Variants in CDC42SE2 observed in about 807,000 individuals in gnomAD.
The protein encoded by CDC42SE2 is CDC42 small effector 2.
Under a neutral mutation model 11.5 loss-of-function variants are expected in CDC42SE2, and 3 were observed. The observed-to-expected ratio is 0.26, with a 90% CI of 0.12 to 0.67. CDC42SE2 has a LOEUF of 0.67. Among genes scored for constraint, CDC42SE2 ranks in the 30% least tolerant of loss-of-function variants. The pLI is 0.80. For synonymous variants in CDC42SE2, 33 were observed against 34.8 expected (o/e 0.95, Z 0.18); for missense variants, 82 against 106.8 (o/e 0.77, Z 1.02).
At chr5:131,297,832 A>G (rs1757603321) in intron 1 of CDC42SE2, among the ~76,000 whole-genome samples, 1 of 152,074 alleles carries the variant, frequency 6.6e-6, no homozygotes, top group Non-Finnish European at 1.5e-5. Context: ...GAAATAATCG[A>G]TCGACAAATC....
intron 2 of CDC42SE2, among the ~76,000 whole-genome samples, chr5:131,349,279 G>A (rs933367003): frequency 6.8e-6 from 1 of 146,644 alleles, no homozygotes; most frequent in Non-Finnish European, 1.5e-5. Flanking sequence ...TCACTCATAG[G>A]TGGGAATTGA....
intron 2 of CDC42SE2, among the ~76,000 whole-genome samples, chr5:131,333,308 C>T (rs1006669661): frequency 9.2e-5 from 14 of 152,056 alleles, no homozygotes; most frequent in African/African-American, 1.2e-4. Flanking sequence ...GAGGGCTCTG[C>T]TCTGTTCCAT....
At chr5:131,240,305 T>A in the CDC42SE2 span, among the ~76,000 whole-genome samples, 1 of 152,238 alleles carries the variant, frequency 6.6e-6, no homozygotes, top group Non-Finnish European at 1.5e-5. Flanking sequence ...TCTCCTAACA[T>A]TTCTCTGTAT....
chr5:131,234,142 C>A, the CDC42SE2 span, among the ~76,000 whole-genome samples: 1 of 152,184 alleles, frequency 6.6e-6, no homozygotes, highest in Admixed American at 6.5e-5. Context: ...ACCTTACAAA[C>A]TCACTGAATA....
At chr5:131,326,043 A>T (rs1758294567) in intron 2 of CDC42SE2, among the ~76,000 whole-genome samples, 1 of 152,172 alleles carries the variant, frequency 6.6e-6, no homozygotes, top group Non-Finnish European at 1.5e-5. Context: ...TGAGTATTTT[A>T]AAATTTTCTT....
At chr5:131,308,265 C>T (rs543881749) in intron 1 of CDC42SE2, among the ~76,000 whole-genome samples, 2,569 of 152,024 alleles carry the variant, frequency 0.017, 64 homozygotes, top group African/African-American at 0.059. Context: ...AGATATGCGG[C>T]GTTATTTCTG....
intron 2 of CDC42SE2, among the ~76,000 whole-genome samples, chr5:131,330,404 T>A (rs146596208): frequency 2.0e-4 from 31 of 152,316 alleles, no homozygotes; most frequent in South Asian, 4.1e-4. Flanking sequence ...TGTTCCTGAT[T>A]GTTGCTTTTA....
chr5:131,354,221 A>G (rs1314942800), intron 2 of CDC42SE2, among the ~76,000 whole-genome samples: 2 of 152,102 alleles, frequency 1.3e-5, no homozygotes, highest in Non-Finnish European at 2.9e-5. Flanking sequence ...CTGGGCAGCA[A>G]AGCAAGACCC....
chr5:131,277,573 C>G (rs1217839970), intron 1 of CDC42SE2, among the ~76,000 whole-genome samples: 1 of 152,204 alleles, frequency 6.6e-6, no homozygotes, highest in Admixed American at 6.5e-5. Context: ...TTGGCCCTAA[C>G]AGCCTATTAT....
At chr5:131,338,813 TA>T in intron 2 of CDC42SE2, among the ~76,000 whole-genome samples, 1 of 152,314 alleles carries the variant, frequency 6.6e-6, no homozygotes. Context: ...TGTACCTACA[TA>T]CCAGTGTGCA....
chr5:131,309,756 G>A (rs1015144064), intron 1 of CDC42SE2, among the ~76,000 whole-genome samples: 1 of 152,008 alleles, frequency 6.6e-6, no homozygotes, highest in Non-Finnish European at 1.5e-5. Context: ...AGTATTCTCT[G>A]ATGGTAGTTT....
intron 1 of CDC42SE2, among the ~76,000 whole-genome samples, chr5:131,268,751 T>C (rs1756926762): frequency 7.4e-6 from 1 of 134,330 alleles, no homozygotes; most frequent in Non-Finnish European, 1.5e-5. Context: ...CACACCCGGA[T>C]TGCTTTTTTT....
At chr5:131,236,777 G>A in the CDC42SE2 span, among the ~76,000 whole-genome samples, 1 of 152,138 alleles carries the variant, frequency 6.6e-6, no homozygotes, top group Non-Finnish European at 1.5e-5. Context: ...TGTACTAATT[G>A]CTTAATCTGT....
At chr5:131,252,777 G>T (rs1167577233) in intron 1 of CDC42SE2, among the ~76,000 whole-genome samples, 7 of 152,156 alleles carry the variant, frequency 4.6e-5, no homozygotes, top group Non-Finnish European at 1.0e-4. Context: ...GTTCCCTAAA[G>T]GCATCAGCCT....
At chr5:131,222,918 C>T in the CDC42SE2 span, among the ~76,000 whole-genome samples, 3 of 152,206 alleles carry the variant, frequency 2.0e-5, no homozygotes, top group Non-Finnish European at 4.4e-5. Flanking sequence ...GCCAAGCTTT[C>T]AGCTTTGTCC....
At chr5:131,310,706 C>T (rs1391062025) in intron 1 of CDC42SE2, among the ~76,000 whole-genome samples, 1 of 151,604 alleles carries the variant, frequency 6.6e-6, no homozygotes, top group Non-Finnish European at 1.5e-5. Flanking sequence ...ATGTAATGGC[C>T]TTGTCTCTTT....
At chr5:131,327,939 A>G (rs1344517867) in intron 2 of CDC42SE2, among the ~76,000 whole-genome samples, 1 of 152,212 alleles carries the variant, frequency 6.6e-6, no homozygotes, top group African/African-American at 2.4e-5. Context: ...ATAATGAACC[A>G]GAAGTGTATT....
At chr5:131,280,883 G>C (rs1173313959) in intron 1 of CDC42SE2, among the ~76,000 whole-genome samples, 3 of 152,052 alleles carry the variant, frequency 2.0e-5, no homozygotes, top group Non-Finnish European at 2.9e-5. Flanking sequence ...GTGAGAATGA[G>C]GAGTGAAATA....
At chr5:131,275,898 T>A (rs1376634509) in intron 1 of CDC42SE2, among the ~76,000 whole-genome samples, 1 of 152,024 alleles carries the variant, frequency 6.6e-6, no homozygotes, top group East Asian at 1.9e-4. Context: ...AAGCGTATAT[T>A]TATTATATTT....
Sources: allele counts gnomAD v4.1 joint callset (sites outside exome capture counted in the v4.1 genomes callset), GRCh38; gene constraint gnomAD v4.1.1; transcripts MANE v1.5; gene names NCBI Gene and HGNC (gene_info 2026-07-23, HGNC 2026-07-21).